Variants in DOCK9 observed in about 807,000 individuals in gnomAD.
The protein encoded by DOCK9 is dedicator of cytokinesis protein 9.
Under a neutral mutation model 263.3 loss-of-function variants are expected in DOCK9, and 89 were observed. That is an observed-to-expected ratio of 0.34 (90% CI 0.28 to 0.40). DOCK9 has a LOEUF of 0.40. Among genes scored for constraint, DOCK9 ranks in the 10% least tolerant of loss-of-function variants. The pLI is 1.00. For synonymous variants in DOCK9, 976 were observed against 973.1 expected (o/e 1.00, Z -0.06); for missense variants, 2,140 against 2,603.4 (o/e 0.82, Z 3.87).
chr13:98,915,252 C>A, intron 8 of DOCK9, 77 bp downstream of exon 8: 1 of 1,449,850 alleles, frequency 6.9e-7, no homozygotes. Context: ...ACACAGGTCT[C>A]CTTCTTATAC....
rs1326995780 is a variant in DOCK9 at position 99,008,208 on chromosome 13, CTCTCTATATATA to C, written c.130-52669_130-52658del. Reference sequence around the variant, plus strand: ...AGCCTCTCTCTCTCTCTCTCTCTCTCTCTCTATATATATATATATATATATATTTTTTTTTTT... The same window carrying C: ...AGCCTCTCTCTCTCTCTCTCTCTCTCTATATATATATATATTTTTTTTTTT... On this transcript the variant is annotated intron_variant, in intron 1 of 32. Transcript: ENST00000427887. Among the ~76,000 whole-genome samples the C allele has an allele frequency of 1.2e-3, 89 of 72,774 alleles. No homozygotes were observed. The South Asian group carries it at 0.017, about 14-fold the overall frequency. 47.7% of individuals were successfully genotyped at this position (72,774 alleles called of 152,430 possible). A position where few individuals can be genotyped will look rare whatever the true frequency, so the allele number is the denominator to read the frequency against.
At chr13:99,077,350 T>A (rs1332651749) in intron 1 of DOCK9, among the ~76,000 whole-genome samples, 1 of 151,972 alleles carries the variant, frequency 6.6e-6, no homozygotes, top group Non-Finnish European at 1.5e-5. Context: ...CATGATAGAG[T>A]TCTCATGAGA....
chr13:99,022,723 G>A (rs772367395), intron 1 of DOCK9, among the ~76,000 whole-genome samples: 1 of 152,104 alleles, frequency 6.6e-6, no homozygotes, highest in Non-Finnish European at 1.5e-5. Context: ...CAGGAGGATC[G>A]CTTGAGCCCA....
chr13:99,051,011 T>C (rs912822415), intron 1 of DOCK9, among the ~76,000 whole-genome samples: 5 of 152,138 alleles, frequency 3.3e-5, no homozygotes, highest in Non-Finnish European at 5.9e-5. Flanking sequence ...GTGGGAGACT[T>C]CCTCTCCATC....
intron 1 of DOCK9, among the ~76,000 whole-genome samples, chr13:99,051,855 C>CAAAAAAAAAAAAAAAAAAAAAAAAAAAA (rs11392986): frequency 9.4e-6 from 1 of 106,056 alleles, no homozygotes; most frequent in African/African-American, 3.6e-5. Flanking sequence ...CCACTAGTGG[C>CAAAAAAAAAAAAAAAAAAAAAAAAAAAA]AAAAAAAAAA....
At chr13:98,960,559 T>G (rs1483988947) in intron 1 of DOCK9, among the ~76,000 whole-genome samples, 4 of 152,126 alleles carry the variant, frequency 2.6e-5, no homozygotes, top group African/African-American at 4.8e-5. Context: ...AGTCCACAAA[T>G]AGTCCATAAC....
At chr13:98,993,153 T>C (rs529750051) in intron 1 of DOCK9, among the ~76,000 whole-genome samples, 42 of 152,322 alleles carry the variant, frequency 2.8e-4, no homozygotes, top group African/African-American at 9.1e-4. Flanking sequence ...CCACAGCATA[T>C]GCAGTAATAA....
chr13:98,902,674 T>G (rs979191736), intron 11 of DOCK9, among the ~76,000 whole-genome samples, 183 bp from the exon 12 acceptor site: 6 of 152,212 alleles, frequency 3.9e-5, no homozygotes, highest in African/African-American at 1.4e-4. Flanking sequence ...AACAAAACAA[T>G]TATTTTACCT....
chr13:98,983,776 G>A (rs901190265), intron 1 of DOCK9, among the ~76,000 whole-genome samples: 1 of 151,782 alleles, frequency 6.6e-6, no homozygotes, highest in Non-Finnish European at 1.5e-5. Flanking sequence ...ACCACCACGG[G>A]TGGGTAATTT....
chr13:98,852,761 A>G (rs2093608874), intron 35 of DOCK9, among the ~76,000 whole-genome samples: 4 of 152,228 alleles, frequency 2.6e-5, no homozygotes. Context: ...CAGATGAGCT[A>G]ACAGAGTTGA....
At chr13:98,800,605 A>G in intron 49 of DOCK9, 127 bp from the exon 50 acceptor site, 1 of 1,107,142 alleles carries the variant, frequency 9.0e-7, no homozygotes. Context: ...AAGGAACCCA[A>G]AGCTTGCCAA....
chr13:98,813,793 C>T (rs1170659095), intron 45 of DOCK9, among the ~76,000 whole-genome samples: 1 of 152,068 alleles, frequency 6.6e-6, no homozygotes, highest in Non-Finnish European at 1.5e-5. Context: ...GCATGTGCCA[C>T]CATGCCCGGC....
At position 99,075,690 on chromosome 13, in the gene DOCK9, T is replaced by A. The variant is rs1378253376; in HGVS notation, c.129+10533A>T. Reference sequence around the variant, plus strand: ...AATGGCACTATTTATAACTTTTTTTTTTTTTTAACTTAGCATGGTAAACAT... The same window carrying A: ...AATGGCACTATTTATAACTTTTTTTATTTTTTAACTTAGCATGGTAAACAT... On this transcript the variant is annotated intron_variant, in intron 1 of 32. Coordinates refer to the DOCK9 transcript ENST00000427887. Among the ~76,000 whole-genome samples the A allele has an allele frequency of 4.6e-5, 7 of 152,102 alleles. No homozygotes were observed. In the East Asian group the frequency reaches 1.3e-3, roughly 29 times the overall value.
At position 99,063,291 on chromosome 13, in the gene DOCK9, G is replaced by C. The variant is rs550913364; in HGVS notation, c.129+22932C>G. ...ATGGCTAGTGAGCCAAAATGACACT[G>C]CTGGTGACAGCCCTACGGCCCTACC... On this transcript the variant is annotated intron_variant, in intron 1 of 32. Coordinates refer to the DOCK9 transcript ENST00000427887. Among the ~76,000 whole-genome samples, 3 of 152,262 alleles carry C rather than the reference G, an allele frequency of 2.0e-5. No individual in the cohort carries two copies. In the East Asian group the frequency reaches 5.8e-4, roughly 29 times the overall value.
chr13:98,983,299 G>T (rs1000157605), intron 1 of DOCK9, among the ~76,000 whole-genome samples: 3 of 152,154 alleles, frequency 2.0e-5, no homozygotes, highest in Non-Finnish European at 4.4e-5. Flanking sequence ...GTATACTGTT[G>T]CTGGTCAGCT....
chr13:99,059,519 C>T (rs2142275690), intron 1 of DOCK9, among the ~76,000 whole-genome samples: 1 of 152,266 alleles, frequency 6.6e-6, no homozygotes, highest in South Asian at 2.1e-4. Context: ...CTGTATTATT[C>T]TAACAGTCCC....
chr13:98,815,959 G>A (rs2091805904), intron 45 of DOCK9, among the ~76,000 whole-genome samples: 1 of 152,076 alleles, frequency 6.6e-6, no homozygotes, highest in African/African-American at 2.4e-5. Context: ...CAATTTTAAT[G>A]CAATCTCATT....
intron 2 of DOCK9, among the ~76,000 whole-genome samples, chr13:98,953,938 G>T (rs9517508): frequency 0.42 from 63,171 of 151,974 alleles, 13,460 homozygotes; most frequent in East Asian, 0.56. Flanking sequence ...TTGGGGCCCA[G>T]GTATCTCTAA....
At chr13:99,064,686 T>C (rs769870893) in intron 1 of DOCK9, among the ~76,000 whole-genome samples, 50 of 152,220 alleles carry the variant, frequency 3.3e-4, no homozygotes, top group Non-Finnish European at 2.1e-4. Context: ...AAGGGAAGCA[T>C]GGAAAGGACA....
Sources: gnomAD v4.1 joint callset for allele counts (sites outside exome capture counted in the v4.1 genomes callset) on GRCh38, gnomAD v4.1.1 for gene constraint, MANE v1.5 for transcripts, NCBI Gene and HGNC (gene_info 2026-07-23, HGNC 2026-07-21) for gene names.